STPG2: variants seen among roughly 807,000 people sequenced by gnomAD.
The protein encoded by STPG2 is sperm-tail PG-rich repeat-containing protein 2.
Under a neutral mutation model 54.2 loss-of-function variants are expected in STPG2, and 56 were observed. The ratio of observed to expected loss-of-function variants is 1.03; its 90% CI spans 0.83 to 1.29. The LOEUF (loss-of-function observed/expected upper bound fraction) is 1.29, where lower values mean the gene tolerates loss of function less well. Among genes scored for constraint, STPG2 ranks in the 50% most tolerant of loss-of-function variants. The pLI, the probability that STPG2 is intolerant of heterozygous loss-of-function variation, is 0.00. For missense variants in STPG2, 596 were observed against 544.9 expected, an observed-to-expected ratio of 1.09 and a Z score of -0.93; for synonymous variants, 200 against 181.8, an observed-to-expected ratio of 1.10 and a Z score of -0.81.
At chr4:97,870,016 C>A (rs1311516230) in intron 8 of STPG2, among the ~76,000 whole-genome samples, 1 of 151,534 alleles carries the variant, frequency 6.6e-6, no homozygotes, top group Non-Finnish European at 1.5e-5. Flanking sequence ...TTTCAACCAG[C>A]ACACAATTAT....
chr4:97,714,389 T>C (rs541127211), intron 9 of STPG2, among the ~76,000 whole-genome samples: 9 of 152,272 alleles, frequency 5.9e-5, no homozygotes, highest in African/African-American at 1.9e-4. Flanking sequence ...CTAAAGTTCC[T>C]TGTGGGAAGC....
intron 4 of STPG2, among the ~76,000 whole-genome samples, chr4:97,541,759 G>T (rs1381341508): frequency 6.6e-6 from 1 of 152,064 alleles, no homozygotes; most frequent in African/African-American, 2.4e-5. Flanking sequence ...CATGGTACTG[G>T]TACCAAAACA....
chr4:98,024,984 T>C (rs1578793066), intron 5 of STPG2, among the ~76,000 whole-genome samples: 1 of 152,222 alleles, frequency 6.6e-6, no homozygotes, highest in African/African-American at 2.4e-5. Flanking sequence ...CTTTTTGCTA[T>C]ATCATGGTCA....
At position 97,562,704 on chromosome 4, in the gene STPG2, T is replaced by G. The variant is rs533038144; in HGVS notation, c.1321-3587A>C. Among the ~76,000 whole-genome samples, 5 of 152,350 alleles carry G rather than the reference T, an allele frequency of 3.3e-5. No individual in the cohort carries two copies. In the East Asian group the frequency reaches 9.6e-4, roughly 29 times the overall value. On this transcript the variant is annotated intron_variant, in intron 10 of 10. Transcript: ENST00000295268. The stretch of plus-strand genomic sequence containing the variant: ...TTCTGCATCTATTGAGATAATCCTG[T>G]GTTTTTTGTCTTTGCTTCTGTTTAT...
chr4:97,617,545 A>G (rs967993971), intron 10 of STPG2, among the ~76,000 whole-genome samples: 2 of 152,168 alleles, frequency 1.3e-5, no homozygotes, highest in Non-Finnish European at 2.9e-5. Flanking sequence ...TGGCGTTAGT[A>G]GGTTTGACAG....
chr4:97,587,011 T>C (rs976159688), intron 10 of STPG2, among the ~76,000 whole-genome samples: 2 of 151,970 alleles, frequency 1.3e-5, no homozygotes, highest in Admixed American at 6.6e-5. Flanking sequence ...GCCACTCTTA[T>C]GTATGGCAAT....
intron 4 of STPG2, among the ~76,000 whole-genome samples, chr4:97,513,684 T>C (rs1731018765): frequency 6.6e-6 from 1 of 152,158 alleles, no homozygotes; most frequent in South Asian, 2.1e-4. Flanking sequence ...TTCAAAAATT[T>C]AATTCTAACA....
chr4:98,117,506 C>G (rs545452390), intron 3 of STPG2, among the ~76,000 whole-genome samples: 5 of 152,054 alleles, frequency 3.3e-5, no homozygotes, highest in Admixed American at 6.6e-5. Flanking sequence ...CAAATATTCT[C>G]TTTTCTCCTT....
chr4:98,109,379 A>C (rs1428711010), intron 3 of STPG2, 74 bp from the exon 4 acceptor site: 5 of 1,127,426 alleles, frequency 4.4e-6, no homozygotes, highest in Non-Finnish European at 5.1e-6. Context: ...GTTTGGCTTT[A>C]CCTAAGTCTA....
At chr4:97,670,660 G>A (rs1218082246) in intron 10 of STPG2, among the ~76,000 whole-genome samples, 1 of 152,146 alleles carries the variant, frequency 6.6e-6, no homozygotes, top group Non-Finnish European at 1.5e-5. Flanking sequence ...AGAAACCACT[G>A]CTAAGAATTG....
intron 4 of STPG2, among the ~76,000 whole-genome samples, chr4:97,518,421 T>C (rs549783950): frequency 3.9e-5 from 6 of 152,174 alleles, no homozygotes; most frequent in South Asian, 2.1e-4. Context: ...TTTCTTTTTA[T>C]AAAACAAGGT....
At chr4:98,139,113 C>T (rs1359805145) in intron 1 of STPG2, among the ~76,000 whole-genome samples, 2 of 152,086 alleles carry the variant, frequency 1.3e-5, no homozygotes, top group Non-Finnish European at 1.5e-5. Context: ...ATTTGAGTAT[C>T]CACTCTCTCC....
At chr4:97,696,122 A>G (rs960290471) in intron 10 of STPG2, among the ~76,000 whole-genome samples, 1 of 152,232 alleles carries the variant, frequency 6.6e-6, no homozygotes, top group East Asian at 1.9e-4. Context: ...ACTATACTAT[A>G]AGGCCATAGT....
At chr4:97,675,088 C>G (rs1722800351) in intron 10 of STPG2, among the ~76,000 whole-genome samples, 1 of 152,156 alleles carries the variant, frequency 6.6e-6, no homozygotes, top group African/African-American at 2.4e-5. Context: ...ACCGCATCCT[C>G]TACCTCCTGG....
chr4:98,083,236 C>T (rs928313981), intron 5 of STPG2, among the ~76,000 whole-genome samples: 1 of 151,968 alleles, frequency 6.6e-6, no homozygotes, highest in Non-Finnish European at 1.5e-5. Flanking sequence ...CACTAAAATC[C>T]TGAAAAATAA....
At chr4:97,799,226 C>A (rs4699319) in intron 9 of STPG2, among the ~76,000 whole-genome samples, 62,713 of 151,006 alleles carry the variant, frequency 0.42, 13,322 homozygotes, top group African/African-American at 0.51. Flanking sequence ...TCCTGTCATT[C>A]TGATGTTAGC....
chr4:97,955,964 G>A (rs1733657313), intron 7 of STPG2, among the ~76,000 whole-genome samples: 1 of 151,894 alleles, frequency 6.6e-6, no homozygotes, highest in Non-Finnish European at 1.5e-5. Context: ...TGGACCAGAA[G>A]AAATGCTAAA....
rs183242170 is a variant in STPG2 at position 97,834,001 on chromosome 4, T to C, written c.1204+6772A>G. ...AATACCATTTGACCCAGCAATCCCA[T>C]TACTGGGTATATACCCAAAGGATTA... On this transcript the variant is annotated intron_variant, in intron 9 of 10. Coordinates refer to ENST00000295268, the MANE Select transcript of STPG2 (RefSeq NM_174952.3). 4.2e-3 allele frequency among the ~76,000 whole-genome samples: 643 copies of C among 152,238 alleles called. 3 individuals carry two copies. The highest frequency in any genetic ancestry group is 0.024 in the South Asian group (117 of 4,826).
intron 5 of STPG2, among the ~76,000 whole-genome samples, chr4:98,050,020 T>C (rs1457461149): frequency 6.6e-6 from 1 of 152,144 alleles, no homozygotes; most frequent in Non-Finnish European, 1.5e-5. Context: ...CTTATTTTGA[T>C]AAATATAATA....
Sources: gnomAD v4.1 joint callset for allele counts (sites outside exome capture counted in the v4.1 genomes callset) on GRCh38, gnomAD v4.1.1 for gene constraint, MANE v1.5 for transcripts, NCBI Gene and HGNC (gene_info 2026-07-23, HGNC 2026-07-21) for gene names.